Variants in NME7 observed in about 807,000 individuals in gnomAD.
NME7 encodes nucleoside diphosphate kinase 7.
Under a neutral mutation model 49.1 loss-of-function variants are expected in NME7, and 41 were observed. The observed-to-expected ratio is 0.83, with a 90% CI of 0.65 to 1.08. NME7 has a LOEUF of 1.08. NME7 is among the 50% of genes least tolerant of loss of function. The pLI is 0.00. For missense variants in NME7, 423 were observed against 463.4 expected (o/e 0.91, Z 0.80); for synonymous variants, 139 against 150.6 (o/e 0.92, Z 0.56).
chr1:169,174,629 G>T (rs1447110628), intron 10 of NME7, among the ~76,000 whole-genome samples: 1 of 152,152 alleles, frequency 6.6e-6, no homozygotes, highest in African/African-American at 2.4e-5. Context: ...TATATAATTT[G>T]CTACTAGGCT....
chr1:169,194,076 T>G (rs1660307419), intron 10 of NME7, among the ~76,000 whole-genome samples: 3 of 148,380 alleles, frequency 2.0e-5, no homozygotes, highest in African/African-American at 7.5e-5. Context: ...ATACAAGGAG[T>G]AGGGAAATGA....
At chr1:169,311,057 A>T (rs996639666) in intron 3 of NME7, among the ~76,000 whole-genome samples, 2 of 152,182 alleles carry the variant, frequency 1.3e-5, no homozygotes, top group East Asian at 3.8e-4. Context: ...AATCCATAAA[A>T]GGAGAAAGGT....
intron 10 of NME7, among the ~76,000 whole-genome samples, chr1:169,183,523 C>T (rs187455600): frequency 1.3e-5 from 2 of 152,268 alleles, no homozygotes; most frequent in African/African-American, 4.8e-5. Flanking sequence ...AAGCCCTGGC[C>T]GGGCACAGTG....
intron 11 of NME7, among the ~76,000 whole-genome samples, chr1:169,141,352 G>A (rs1053704426): frequency 2.0e-5 from 3 of 152,170 alleles, no homozygotes; most frequent in Non-Finnish European, 4.4e-5. Flanking sequence ...CTCAAAAGAT[G>A]AAGTGGGGAA....
intron 7 of NME7, among the ~76,000 whole-genome samples, chr1:169,243,748 G>T (rs1648185745): frequency 6.6e-6 from 1 of 152,154 alleles, no homozygotes; most frequent in Non-Finnish European, 1.5e-5. Context: ...ATGGAGAACT[G>T]TGGGAAATAC....
At chr1:169,225,538 G>T (rs990085165) in intron 10 of NME7, among the ~76,000 whole-genome samples, 2 of 152,174 alleles carry the variant, frequency 1.3e-5, no homozygotes, top group African/African-American at 4.8e-5. Context: ...CCTATGGAAG[G>T]TAATAGGGAG....
chr1:169,174,634 T>A (rs1415776881), intron 10 of NME7, among the ~76,000 whole-genome samples: 2 of 152,204 alleles, frequency 1.3e-5, no homozygotes, highest in African/African-American at 4.8e-5. Context: ...AATTTGCTAC[T>A]AGGCTATAAA....
At chr1:169,145,752 T>C (rs1470580123) in intron 11 of NME7, among the ~76,000 whole-genome samples, 1 of 152,072 alleles carries the variant, frequency 6.6e-6, no homozygotes, top group African/African-American at 2.4e-5. Flanking sequence ...TGACCCGAAT[T>C]TAAAAACAAG....
intron 7 of NME7, among the ~76,000 whole-genome samples, chr1:169,282,156 T>C (rs113069887): frequency 0.043 from 6,597 of 152,304 alleles, 210 homozygotes; most frequent in East Asian, 0.12. Flanking sequence ...GGGGTTCTAC[T>C]TCTTCCTGGC....
chr1:169,210,058 T>C (rs1660768574), intron 10 of NME7, among the ~76,000 whole-genome samples: 1 of 152,174 alleles, frequency 6.6e-6, no homozygotes, highest in Non-Finnish European at 1.5e-5. Flanking sequence ...AAATTCCATG[T>C]GGACAGAGCC....
At chr1:169,298,894 ATAGT>A (rs1650821641) in intron 5 of NME7, 131 bp from the exon 6 acceptor site, 1 of 829,894 alleles carries the variant, frequency 1.2e-6, no homozygotes, top group Non-Finnish European at 1.8e-6. Flanking sequence ...ACCATTAAGC[ATAGT>A]TAATTTTACA....
rs541968316 is a variant in NME7, at chr1:169,249,608, G to A, written c.755-11921C>T. Among the ~76,000 whole-genome samples the A allele has an allele frequency of 7.2e-5, 11 of 152,184 alleles. No homozygotes were observed. In the East Asian group the frequency reaches 1.5e-3, roughly 21 times the overall value. ...CTTTTCCCCATTTATTATGATGTTA[G>A]CTGTGGGTCTGTCATATATGGCTTT... is the stretch of plus-strand genomic sequence containing the variant. On this transcript the variant is annotated intron_variant, in intron 7 of 11. Coordinates refer to ENST00000367811, the MANE Select transcript of NME7 (RefSeq NM_013330.5).
At chr1:169,292,719 G>A (rs112771723) in intron 6 of NME7, among the ~76,000 whole-genome samples, 2 of 152,018 alleles carry the variant, frequency 1.3e-5, no homozygotes, top group Admixed American at 6.6e-5. Flanking sequence ...TGAGATTGAC[G>A]GATTAATATT....
intron 1 of NME7, among the ~76,000 whole-genome samples, chr1:169,328,107 G>A (rs919899563): frequency 6.6e-6 from 1 of 152,118 alleles, no homozygotes; most frequent in Admixed American, 6.6e-5. Context: ...TGCTACTGCT[G>A]CTATCATTTG....
intron 10 of NME7, among the ~76,000 whole-genome samples, chr1:169,213,411 C>T (rs755550415): frequency 6.6e-6 from 1 of 152,008 alleles, no homozygotes; most frequent in Non-Finnish European, 1.5e-5. Flanking sequence ...CCTCGAGTAC[C>T]TCTTCCACCA....
At chr1:169,140,444 G>A (rs1020779328) in intron 11 of NME7, among the ~76,000 whole-genome samples, 21 of 152,110 alleles carry the variant, frequency 1.4e-4, no homozygotes, top group African/African-American at 4.8e-4. Context: ...TGGATTTAGT[G>A]GGCATGTAAG....
chr1:169,327,627 T>C (rs992513785), intron 1 of NME7, among the ~76,000 whole-genome samples: 1 of 152,206 alleles, frequency 6.6e-6, no homozygotes, highest in South Asian at 2.1e-4. Context: ...ATTTTTACAC[T>C]GCAACATGCA....
rs545657080 is a variant in NME7 at position 169,341,700 on chromosome 1, T to C, written c.4-17200A>G. On this transcript the variant is annotated intron_variant, in intron 1 of 11. Coordinates refer to ENST00000367811, the MANE Select transcript of NME7 (RefSeq NM_013330.5). ...GCTGCCAATGCCCTGGGAGCTCACC[T>C]CTTCCATCAGCATGCCCTGGGTGTG... 8.7e-4 allele frequency among the ~76,000 whole-genome samples: 133 copies of C among 152,274 alleles called. 1 individual carries two copies. The highest frequency in any genetic ancestry group is 3.1e-3 in the African/African-American group (130 of 41,560).
At chr1:169,178,255 G>A (rs1489081643) in intron 10 of NME7, among the ~76,000 whole-genome samples, 2 of 152,162 alleles carry the variant, frequency 1.3e-5, no homozygotes, top group Admixed American at 1.3e-4. Context: ...CTTCTAGATG[G>A]AAATTAGAAA....
Sources: allele counts gnomAD v4.1 joint callset (sites outside exome capture counted in the v4.1 genomes callset), GRCh38; gene constraint gnomAD v4.1.1; transcripts MANE v1.5; gene names NCBI Gene and HGNC (gene_info 2026-07-23, HGNC 2026-07-21).